Variants in CD163 observed in about 807,000 individuals in gnomAD.
The protein encoded by CD163 is scavenger receptor cysteine-rich type 1 protein M130.
Under a neutral mutation model 129.2 loss-of-function variants are expected in CD163, and 64 were observed. That is an observed-to-expected ratio of 0.50 (90% CI 0.41 to 0.61). The LOEUF (loss-of-function observed/expected upper bound fraction) is 0.61, where lower values mean the gene tolerates loss of function less well. Ranked by LOEUF, CD163 falls within the 20% of genes least tolerant of loss-of-function variation. The pLI, the probability that CD163 is intolerant of heterozygous loss-of-function variation, is 0.00. For missense variants in CD163, 1,061 were observed against 1,377.9 expected (o/e 0.77, Z 3.64); for synonymous variants, 446 against 478.5 (o/e 0.93, Z 0.89).
intron 16 of CD163, among the ~76,000 whole-genome samples, chr12:7,477,579 C>T (rs1949104499): frequency 6.6e-6 from 1 of 151,910 alleles, no homozygotes; most frequent in Non-Finnish European, 1.5e-5. Flanking sequence ...CACATGGGGC[C>T]TGCTGCGGGG....
At chr12:7,471,597 T>C (rs1239304516) in intron 16 of CD163, among the ~76,000 whole-genome samples, 200 bp from the exon 17 acceptor site, 1 of 152,030 alleles carries the variant, frequency 6.6e-6, no homozygotes, top group Non-Finnish European at 1.5e-5. Context: ...GATTAAGAAA[T>C]GCCATTTATA....
chr12:7,487,239 G>T lies in CD163; in HGVS notation c.2050+120C>A. The stretch of plus-strand genomic sequence containing the variant: ...AAATGAGGTTAATATTCTGAAGCAT[G>T]AATTAGTATTCATTCTTCTCATGAC... On this transcript the variant is annotated intron_variant, in intron 8 of 16. Transcript: ENST00000432237. This position sits in a 1 kb window ranked among gnomAD's most constrained non-coding sequence, Gnocchi z 5.1. The T allele has an allele frequency of 1.7e-6, 2 of 1,147,014 alleles. No homozygotes were observed. Among genetic ancestry groups the T allele is most frequent in the Non-Finnish European group, 2.4e-6 (2 of 829,016 alleles). The allele number at this position is 1,147,014 out of a possible 1,614,324, so 71.1% of individuals were successfully genotyped here.
intron 16 of CD163, among the ~76,000 whole-genome samples, chr12:7,477,406 A>T (rs1949101975): frequency 6.6e-6 from 1 of 152,224 alleles, no homozygotes; most frequent in East Asian, 1.9e-4. Flanking sequence ...CTATAGAGCC[A>T]TAAAAAAGAA....
Position 7,496,781 on chromosome 12 carries a change from A to C in CD163, c.1099+32T>G, listed in dbSNP as rs758600129. ...TCCGTTTCTGCTTTTCTTTTTGTTT[A>C]GTGTTTTGGTTTTGGTTTGGTTTTA... On this transcript the variant is annotated intron_variant, in intron 5 of 16. Coordinates refer to ENST00000432237, the MANE Select transcript of CD163 (RefSeq NM_203416.4). This position sits in a 1 kb window ranked among gnomAD's most constrained non-coding sequence, Gnocchi z 4.8. 1.9e-6 allele frequency: 3 copies of C among 1,588,794 alleles called. No homozygotes were observed. Among genetic ancestry groups the C allele is most frequent in the Admixed American group, 1.7e-5 (1 of 59,384 alleles).
intron 16 of CD163, among the ~76,000 whole-genome samples, chr12:7,479,137 TC>T (rs1282631649): frequency 1.3e-5 from 2 of 152,092 alleles, no homozygotes; most frequent in Non-Finnish European, 2.9e-5. Flanking sequence ...ATTACAGGGC[TC>T]TATGCAGCCT....
chr12:7,491,662 A>G (rs1949328832), intron 6 of CD163, among the ~76,000 whole-genome samples: 1 of 152,262 alleles, frequency 6.6e-6, no homozygotes, highest in South Asian at 2.1e-4. Context: ...ATATACAATT[A>G]TGATTTAAAG....
chr12:7,473,751 A>G (rs778743914), intron 16 of CD163, among the ~76,000 whole-genome samples: 1 of 152,298 alleles, frequency 6.6e-6, no homozygotes, highest in African/African-American at 2.4e-5. Context: ...AAATGGGTGA[A>G]ATGCCCCCAA....
intron 11 of CD163, 166 bp from the exon 12 acceptor site, chr12:7,483,841 A>ATATATATATATATATATATATT (rs1442991429): frequency 4.5e-5 from 5 of 109,990 alleles, no homozygotes; most frequent in African/African-American, 1.9e-4. Flanking sequence ...ATATATATAT[A>ATATATATATATATATATATATT]TTTTTTTTTT....
chr12:7,482,786 GAT>G (rs1431812054), intron 13 of CD163, 24 bp from the exon 14 acceptor site: 7 of 1,613,146 alleles, frequency 4.3e-6, no homozygotes, highest in Non-Finnish European at 5.9e-6. Context: ...AATATCAAGA[GAT>G]ATGATCATGT....
chr12:7,495,657 G>A (rs1196025574), intron 5 of CD163, among the ~76,000 whole-genome samples: 1 of 152,178 alleles, frequency 6.6e-6, no homozygotes, highest in Non-Finnish European at 1.5e-5. Context: ...CTCAAAAAGT[G>A]GGTGAAGGGT....
At chr12:7,490,764 A>G (rs781665654) in intron 6 of CD163, among the ~76,000 whole-genome samples, 11 of 152,208 alleles carry the variant, frequency 7.2e-5, no homozygotes, top group Admixed American at 2.0e-4. Flanking sequence ...ATACCTCAAC[A>G]TGTCAAAATT....
At chr12:7,477,425 T>C (rs1949102268) in intron 16 of CD163, among the ~76,000 whole-genome samples, 1 of 152,180 alleles carries the variant, frequency 6.6e-6, no homozygotes, top group Admixed American at 6.5e-5. Flanking sequence ...AATGAGTTCA[T>C]GTCCTTTGCA....
chr12:7,499,769 A>AAGAAGGAGG (rs1232991920), intron 3 of CD163, among the ~76,000 whole-genome samples: 5 of 152,150 alleles, frequency 3.3e-5, no homozygotes, highest in Admixed American at 1.3e-4. Flanking sequence ...AATAAGAGGA[A>AAGAAGGAGG]AGAAGGAGGA....
chr12:7,498,146 C>CACACACACACACACAGAG (rs537347284), intron 4 of CD163, among the ~76,000 whole-genome samples: 1 of 148,860 alleles, frequency 6.7e-6, no homozygotes, highest in African/African-American at 2.5e-5. Flanking sequence ...CACACACACA[C>CACACACACACACACAGAG]AGAGAGAGAG....
intron 4 of CD163, 104 bp downstream of exon 4, chr12:7,498,764 G>A (rs745955723): frequency 2.7e-6 from 3 of 1,129,896 alleles, no homozygotes; most frequent in South Asian, 3.2e-5. Context: ...GGTGACAAAA[G>A]AAGCAGACTT....
At chr12:7,488,440 C>T (rs1320598493) in intron 6 of CD163, among the ~76,000 whole-genome samples, 1 of 152,224 alleles carries the variant, frequency 6.6e-6, no homozygotes, top group Non-Finnish European at 1.5e-5. Context: ...TAGTCTTGCA[C>T]TCATTCCTCC....
chr12:7,498,549 T>C (rs769745161), intron 4 of CD163, among the ~76,000 whole-genome samples: 1 of 152,296 alleles, frequency 6.6e-6, no homozygotes, highest in South Asian at 2.1e-4. Context: ...AATATCCTAG[T>C]AAAGCCCTTC....
At position 7,483,695 on chromosome 12, in the gene CD163, T is replaced by C. The variant is rs747646809; in HGVS notation, c.2780-20A>G. On this transcript the variant is annotated intron_variant, in intron 11 of 16. Transcript: ENST00000432237. ...TCTTGTCTGAAAAATCAGAGACATG[T>C]AGCCTATTTCTAAGACTTCTAAAAG... 1.9e-6 allele frequency: 3 copies of C among 1,572,708 alleles called. No individual in the cohort carries two copies. The African/African-American group carries it at 4.1e-5, about 22-fold the overall frequency.
intron 6 of CD163, among the ~76,000 whole-genome samples, chr12:7,489,129 A>T (rs776463346): frequency 9.2e-5 from 14 of 152,326 alleles, no homozygotes; most frequent in South Asian, 2.1e-4. Context: ...AATTAGTAAG[A>T]GAACAGAATT....
Sources: gnomAD v4.1 joint callset for allele counts (sites outside exome capture counted in the v4.1 genomes callset) on GRCh38, gnomAD v4.1.1 for gene constraint, Gnocchi (gnomAD v3.1) non-coding constraint, MANE v1.5 for transcripts, NCBI Gene and HGNC (gene_info 2026-07-23, HGNC 2026-07-21) for gene names.